The following MBD5 variants were observed in gnomAD, a reference collection of about 807,000 sequenced individuals.
The protein encoded by MBD5 is methyl-CpG binding domain protein 5.
MBD5 carries 13 observed loss-of-function variants against 117.3 expected under a neutral mutation model. The observed-to-expected ratio is 0.11, with a 90% CI of 0.07 to 0.18. The LOEUF is 0.18. MBD5 is among the 10% of genes least tolerant of loss of function. MBD5 has a pLI of 1.00. For synonymous variants in MBD5, 727 were observed against 766.4 expected (o/e 0.95, Z 0.85); for missense variants, 1,879 against 2,093.8 (o/e 0.90, Z 2.00).
chr2:148,281,432 C>T (rs928676190), intron 3 of MBD5, among the ~76,000 whole-genome samples: 1 of 151,934 alleles, frequency 6.6e-6, no homozygotes, highest in Non-Finnish European at 1.5e-5. Flanking sequence ...TTTGCATACA[C>T]CAATTCTTAT....
chr2:148,157,274 C>T (rs1217392798), intron 1 of MBD5, among the ~76,000 whole-genome samples: 1 of 152,020 alleles, frequency 6.6e-6, no homozygotes, highest in Non-Finnish European at 1.5e-5. Flanking sequence ...TCTCCTAATG[C>T]TCTCCCTCCC....
At chr2:148,175,220 T>C (rs994798992) in intron 1 of MBD5, among the ~76,000 whole-genome samples, 1 of 152,182 alleles carries the variant, frequency 6.6e-6, no homozygotes, top group African/African-American at 2.4e-5. Flanking sequence ...TCGTATTTTA[T>C]AAATATATAT....
intron 3 of MBD5, among the ~76,000 whole-genome samples, chr2:148,278,715 C>A (rs979034579): frequency 1.3e-5 from 2 of 152,104 alleles, no homozygotes; most frequent in African/African-American, 2.4e-5. Context: ...GGAATTGGCT[C>A]ACTTGATTAT....
At chr2:148,083,688 C>T (rs1558918465) in intron 1 of MBD5, among the ~76,000 whole-genome samples, 1 of 152,098 alleles carries the variant, frequency 6.6e-6, no homozygotes, top group African/African-American at 2.4e-5. Flanking sequence ...AGTGCAGTCG[C>T]GCGATCTTGG....
At chr2:148,269,390 T>C (rs1700930395) in intron 3 of MBD5, among the ~76,000 whole-genome samples, 1 of 151,868 alleles carries the variant, frequency 6.6e-6, no homozygotes, top group Non-Finnish European at 1.5e-5. Context: ...TATAGATTTC[T>C]TCTTCAATAG....
At chr2:148,045,631 C>A (rs1179203059) in intron 1 of MBD5, among the ~76,000 whole-genome samples, 12 of 152,134 alleles carry the variant, frequency 7.9e-5, no homozygotes, top group Admixed American at 4.6e-4. Context: ...TGTGGCAGAA[C>A]TAATATCTGA....
chr2:148,134,211 G>A (rs541034518), intron 1 of MBD5, among the ~76,000 whole-genome samples: 56 of 128,042 alleles, frequency 4.4e-4, no homozygotes, highest in Admixed American at 1.3e-3. Context: ...ATAGATAGAT[G>A]ACAGATAGAT....
intron 8 of MBD5, among the ~76,000 whole-genome samples, chr2:148,474,261 G>A (rs1680887069): frequency 6.6e-6 from 1 of 152,086 alleles, no homozygotes; most frequent in Non-Finnish European, 1.5e-5. Flanking sequence ...TCTGACTACT[G>A]CACACCTGCT....
intron 2 of MBD5, among the ~76,000 whole-genome samples, chr2:148,187,485 A>G (rs536339304): frequency 7.9e-5 from 12 of 152,326 alleles, no homozygotes; most frequent in African/African-American, 2.6e-4. Flanking sequence ...TTAACTTCAA[A>G]TAGAAAAGAA....
intron 1 of MBD5, among the ~76,000 whole-genome samples, chr2:148,118,533 C>T (rs1696693737): frequency 6.6e-6 from 1 of 151,592 alleles, no homozygotes; most frequent in Admixed American, 6.6e-5. Context: ...CTCTTAAGCC[C>T]AGGAGTTCAA....
intron 11 of MBD5, among the ~76,000 whole-genome samples, chr2:148,492,589 A>G (rs760333186): frequency 2.0e-5 from 3 of 152,088 alleles, no homozygotes; most frequent in Non-Finnish European, 2.9e-5. Flanking sequence ...GCATTTTTAA[A>G]AACCTGTTCC....
chr2:148,242,306 T>C (rs1268902799), intron 3 of MBD5, among the ~76,000 whole-genome samples: 1 of 152,004 alleles, frequency 6.6e-6, no homozygotes, highest in African/African-American at 2.4e-5. Flanking sequence ...ATACCAGAAG[T>C]ACAGTTTAAT....
chr2:148,143,608 A>G (rs1194925990), intron 1 of MBD5, among the ~76,000 whole-genome samples: 1 of 151,620 alleles, frequency 6.6e-6, no homozygotes, highest in Non-Finnish European at 1.5e-5. Context: ...TATATCTCCT[A>G]ATACCCACAA....
At chr2:148,463,406 T>G (rs1264503337) in intron 6 of MBD5, among the ~76,000 whole-genome samples, 1 of 152,170 alleles carries the variant, frequency 6.6e-6, no homozygotes, top group Admixed American at 6.5e-5. Flanking sequence ...GCTTTTTGTT[T>G]TGTCTTTTTT....
At chr2:148,360,105 ATGGCTGAAAGAAAT>A (rs1703490148) in intron 4 of MBD5, among the ~76,000 whole-genome samples, 1 of 152,188 alleles carries the variant, frequency 6.6e-6, no homozygotes, top group African/African-American at 2.4e-5. Flanking sequence ...GTATATTATT[ATGGCTGAAAGAAAT>A]TGCAAATGCA....
chr2:148,399,618 C>A (rs1217965095), intron 4 of MBD5, among the ~76,000 whole-genome samples: 3 of 152,082 alleles, frequency 2.0e-5, no homozygotes, highest in African/African-American at 7.3e-5. Flanking sequence ...ATTTGACTTC[C>A]TCTTTACCTA....
At chr2:148,213,080 G>A (rs562677651) in intron 2 of MBD5, among the ~76,000 whole-genome samples, 6 of 152,256 alleles carry the variant, frequency 3.9e-5, no homozygotes, top group African/African-American at 1.4e-4. Context: ...TAAGCTCTTT[G>A]AAAGCAGGAA....
chr2:148,188,383 T>C (rs1337391216), intron 2 of MBD5, among the ~76,000 whole-genome samples: 1 of 152,096 alleles, frequency 6.6e-6, no homozygotes, highest in East Asian at 1.9e-4. Flanking sequence ...ATAGAGGAGA[T>C]AAAGTAGAAT....
At chr2:148,467,846 C>T (rs951095845) in intron 7 of MBD5, among the ~76,000 whole-genome samples, 1 of 152,118 alleles carries the variant, frequency 6.6e-6, no homozygotes, top group African/African-American at 2.4e-5. Flanking sequence ...TAAGGGTGAA[C>T]ATTTTGTGGT....
Sources: gnomAD v4.1 joint callset for allele counts (sites outside exome capture counted in the v4.1 genomes callset) on GRCh38, gnomAD v4.1.1 for gene constraint, MANE v1.5 for transcripts, NCBI Gene and HGNC (gene_info 2026-07-23, HGNC 2026-07-21) for gene names.